The following TMEM237 variants were observed in gnomAD, a reference collection of about 807,000 sequenced individuals.
TMEM237 encodes the protein amyotrophic lateral sclerosis 2 (juvenile) chromosome region, candidate 4.
TMEM237 carries 51 observed loss-of-function variants against 59.1 expected under a neutral mutation model. That is an observed-to-expected ratio of 0.86 (90% CI 0.69 to 1.09). The LOEUF (loss-of-function observed/expected upper bound fraction) is 1.09. TMEM237 is among the 50% of genes least tolerant of loss of function. TMEM237 has a pLI of 0.00. For synonymous variants in TMEM237, 140 were observed against 166.1 expected (o/e 0.84, Z 1.21); for missense variants, 475 against 478.3 (o/e 0.99, Z 0.06).
chr2:201,626,361 T>C (rs1957758983), intron 11 of TMEM237: 4 of 373,752 alleles, frequency 1.1e-5, no homozygotes, highest in Admixed American at 4.2e-5. Flanking sequence ...AGATCTGCTG[T>C]ATACATTCAT....
intron 3 of TMEM237, among the ~76,000 whole-genome samples, chr2:201,639,454 G>A (rs1335899187): frequency 6.6e-6 from 1 of 152,204 alleles, no homozygotes; most frequent in Non-Finnish European, 1.5e-5. Flanking sequence ...TTGTTGTGGT[G>A]ACTGAGGAAG....
rs1957693533 is a variant in TMEM237 at position 201,620,680 on chromosome 2, A to AT, written c.*3574dup. 1 of 152,146 alleles carries AT rather than the reference A, an allele frequency of 6.6e-6. No homozygotes were observed. The highest frequency in any genetic ancestry group is 2.1e-4 in the South Asian group (1 of 4,824). The allele number at this position is 152,146 out of a possible 1,614,324, so 9.4% of individuals were successfully genotyped here. On this transcript the variant is annotated 3_prime_UTR_variant, in exon 13 of 13. Transcript: ENST00000409883. ...GCTGGGCAAATGTCCTCATAGAAGT[A>AT]TTTTTTGTGTGTGTCAGGTTGTGAT...
Position 201,620,369 on chromosome 2 carries a change from A to G in TMEM237, c.*3886T>C, listed in dbSNP as rs1957686999. 1 of 152,134 alleles carries G rather than the reference A, an allele frequency of 6.6e-6. No homozygotes were observed. Among genetic ancestry groups the G allele is most frequent in the African/African-American group, 2.4e-5 (1 of 41,424 alleles). The allele number at this position is 152,134 out of a possible 1,614,324, so 9.4% of individuals were successfully genotyped here. ...GCTTTTAGTTAACTCTTATATCCCC[A>G]TACACATATCCTAAAGGCAGAGTTA... On this transcript the variant is annotated 3_prime_UTR_variant, in exon 13 of 13. Transcript: ENST00000409883.
chr2:201,642,617 T>C lies in TMEM237; in HGVS notation c.42+742A>G, dbSNP rs762476719. 1.9e-6 allele frequency: 3 copies of C among 1,608,882 alleles called. No individual in the cohort carries two copies. The African/African-American group carries it at 4.0e-5, about 22-fold the overall frequency. On this transcript the variant is annotated intron_variant, in intron 1 of 12. Transcript: ENST00000409883. The stretch of plus-strand genomic sequence containing the variant: ...AGCTAAGGCTCGCTTACCACAGGAT[T>C]CTTCCCCATTCTGCGTTTAGCCGGC...
chr2:201,642,885 C>T (rs1019922592), intron 1 of TMEM237: 6 of 1,335,614 alleles, frequency 4.5e-6, no homozygotes, highest in South Asian at 2.0e-5. Context: ...GCGACCGTGG[C>T]GCTGCAATCA....
In TMEM237 at chr2:201,621,620, T is replaced by G. The variant is rs1190697619; in HGVS notation, c.*2635A>C. 2 of 152,654 alleles carry G rather than the reference T, an allele frequency of 1.3e-5. No individual in the cohort carries two copies. Among genetic ancestry groups the G allele is most frequent in the African/African-American group, 4.8e-5 (2 of 41,442 alleles). The allele number at this position is 152,654 out of a possible 1,614,324, so 9.5% of individuals were successfully genotyped here. A position where few individuals can be genotyped will look rare whatever the true frequency, so the allele number is the denominator to read the frequency against. Reference sequence around the variant, plus strand: ...AAATTACATACTGTATGATTCAATTTATAACATTATTGAAATGACAGAGTT... The same window carrying G: ...AAATTACATACTGTATGATTCAATTGATAACATTATTGAAATGACAGAGTT... On this transcript the variant is annotated 3_prime_UTR_variant, in exon 13 of 13. Transcript: ENST00000409883.
intron 4 of TMEM237, chr2:201,638,753 TTAGATGGC>T (rs1687350946): frequency 1.9e-6 from 1 of 537,072 alleles, no homozygotes; most frequent in South Asian, 2.7e-5. Flanking sequence ...AAATAGGAGC[TTAGATGGC>T]ACCACCTTCT....
chr2:201,624,177 A>G lies in TMEM237; in HGVS notation c.*78T>C, dbSNP rs1957736131. ...AAAAATCTATTACAAATACACATGTATACATCTTATAAAAATACATTTAAA... is the reference window on the plus strand; with the variant it reads ...AAAAATCTATTACAAATACACATGTGTACATCTTATAAAAATACATTTAAA... On this transcript the variant is annotated 3_prime_UTR_variant, in exon 13 of 13. Transcript: ENST00000409883. The G allele has an allele frequency of 9.6e-7, 1 of 1,044,458 alleles. No individual in the cohort carries two copies. The highest frequency in any genetic ancestry group is 1.5e-6 in the Non-Finnish European group (1 of 682,848). The allele number at this position is 1,044,458 out of a possible 1,614,324, so 64.7% of individuals were successfully genotyped here. A position where few individuals can be genotyped will look rare whatever the true frequency, so the allele number is the denominator to read the frequency against.
intron 1 of TMEM237, 45 bp from the exon 2 acceptor site, chr2:201,640,969 C>T: frequency 1.9e-6 from 3 of 1,551,760 alleles, no homozygotes; most frequent in Non-Finnish European, 2.6e-6. Context: ...AAGCCTAGAG[C>T]ATCTTTACTT....
At chr2:201,627,118 A>G (rs1021814088) in intron 11 of TMEM237, among the ~76,000 whole-genome samples, 24 of 152,142 alleles carry the variant, frequency 1.6e-4, no homozygotes, top group African/African-American at 5.8e-4. Context: ...TCTAAAACAG[A>G]TTTTTAAAAG....
rs1957701572 is a variant in TMEM237 at position 201,621,046 on chromosome 2, T to A, written c.*3209A>T. 6.6e-6 allele frequency: 1 copy of A among 152,196 alleles called. No homozygotes were observed. 9.4% of individuals were successfully genotyped at this position (152,196 alleles called of 1,614,324 possible). A position where few individuals can be genotyped will look rare whatever the true frequency, so the allele number is the denominator to read the frequency against. On this transcript the variant is annotated 3_prime_UTR_variant, in exon 13 of 13. Coordinates refer to ENST00000409883, the MANE Select transcript of TMEM237 (RefSeq NM_001044385.3). The stretch of plus-strand genomic sequence containing the variant: ...TGTTAATTACTGCACCCCATGAAAC[T>A]TGCTGTCCAGCAGCTCACTCTGTTC...
At chr2:201,640,170 C>A in intron 3 of TMEM237, 91 bp downstream of exon 3, 2 of 1,031,456 alleles carry the variant, frequency 1.9e-6, no homozygotes, top group African/African-American at 1.7e-5. Flanking sequence ...TTACAAATTA[C>A]ACCATTCAGA....
intron 6 of TMEM237, 136 bp from the exon 7 acceptor site, chr2:201,632,344 C>T (rs1328409704): frequency 6.5e-6 from 6 of 920,380 alleles, no homozygotes; most frequent in Middle Eastern, 3.3e-4. Context: ...TCAAATAAAT[C>T]GGTTATTAAC....
chr2:201,625,255 G>C (rs1197807774), intron 12 of TMEM237, among the ~76,000 whole-genome samples: 1 of 151,900 alleles, frequency 6.6e-6, no homozygotes, highest in Non-Finnish European at 1.5e-5. Flanking sequence ...CCAGCTACTC[G>C]GGAGGCTGAG....
At chr2:201,628,204 T>C (rs1164714776) in intron 9 of TMEM237, 55 bp from the exon 10 acceptor site, 1 of 1,283,546 alleles carries the variant, frequency 7.8e-7, no homozygotes, top group Non-Finnish European at 1.1e-6. Flanking sequence ...AACAAAACTT[T>C]ACTTTCTTGA....
In TMEM237 at chr2:201,629,245, A is replaced by G. The variant is rs1343901400; in HGVS notation, c.854T>C (p.Ile285Thr). The G allele has an allele frequency of 1.3e-6, 2 of 1,569,998 alleles. No individual in the cohort carries two copies. Among genetic ancestry groups the G allele is most frequent in the Non-Finnish European group, 1.7e-6 (2 of 1,164,730 alleles). ...TAGGCATTACCTGTCAAAAGCTGAAATTGTACTCAGAGCCAAAAGCAAGTA... is the reference window on the plus strand; with the variant it reads ...TAGGCATTACCTGTCAAAAGCTGAAGTTGTACTCAGAGCCAAAAGCAAGTA... ...LLYLLLALSTISAFDRIDFAK... is the reference protein window; with the variant it reads ...LLYLLLALSTTSAFDRIDFAK... Residue 285 changes from isoleucine (I) to threonine (T), a missense_variant, in exon 9 of 13, where the codon ATT becomes ACT. Transcript: ENST00000409883.
At chr2:201,630,454 T>C (rs1394162245) in intron 7 of TMEM237, among the ~76,000 whole-genome samples, 1 of 152,204 alleles carries the variant, frequency 6.6e-6, no homozygotes, top group East Asian at 1.9e-4. Context: ...CAGAGGCTCC[T>C]TCTTGTATAT....
rs1957686097 is a variant in TMEM237, at chr2:201,620,331, A to C, written c.*3924T>G. On this transcript the variant is annotated 3_prime_UTR_variant, in exon 13 of 13. Coordinates refer to ENST00000409883, the MANE Select transcript of TMEM237 (RefSeq NM_001044385.3). ...TCTATTCTTCTTTTATTCAAGGACC[A>C]ACTCAAAGGTCAGCTTTTAGTTAAC... is the stretch of plus-strand genomic sequence containing the variant. 2 of 152,160 alleles carry C rather than the reference A, an allele frequency of 1.3e-5. No homozygotes were observed. The highest frequency in any genetic ancestry group is 6.5e-5 in the Admixed American group (1 of 15,282). 9.4% of individuals were successfully genotyped at this position (152,160 alleles called of 1,614,324 possible).
At chr2:201,632,303 T>C in intron 6 of TMEM237, 95 bp from the exon 7 acceptor site, 2 of 1,337,788 alleles carry the variant, frequency 1.5e-6, no homozygotes, top group Middle Eastern at 2.1e-4. Context: ...GAAAGGGCCC[T>C]GGACTTGGAG....
Sources: gnomAD v4.1 joint callset for allele counts (sites outside exome capture counted in the v4.1 genomes callset) on GRCh38, gnomAD v4.1.1 for gene constraint, MANE v1.5 for transcripts, NCBI Gene and HGNC (gene_info 2026-07-23, HGNC 2026-07-21) for gene names.